EGFLAM: variants seen among roughly 807,000 people sequenced by gnomAD.
The protein encoded by EGFLAM is EGF like, fibronectin type III and laminin G domains.
In EGFLAM, 79 loss-of-function variants were observed where a neutral mutation model predicts 113.1. That is an observed-to-expected ratio of 0.70 (90% CI 0.58 to 0.84). The LOEUF is 0.84. Ranked by LOEUF, EGFLAM falls within the 40% of genes least tolerant of loss-of-function variation. The pLI, the probability that EGFLAM is intolerant of heterozygous loss-of-function variation, is 0.00. For missense variants in EGFLAM, 1,265 were observed against 1,291.6 expected (o/e 0.98, Z 0.32); for synonymous variants, 504 against 487.6 (o/e 1.03, Z -0.44).
At chr5:38,287,716 C>T (rs1758200522) in intron 1 of EGFLAM, among the ~76,000 whole-genome samples, 2 of 152,184 alleles carry the variant, frequency 1.3e-5, no homozygotes. Flanking sequence ...GCAGAGGCAT[C>T]ATCTAGTTGG....
At chr5:38,361,834 G>C (rs966510043) in intron 5 of EGFLAM, among the ~76,000 whole-genome samples, 6 of 152,012 alleles carry the variant, frequency 3.9e-5, no homozygotes, top group African/African-American at 1.4e-4. Context: ...TGGTAATAGT[G>C]GCTACCTCAG....
intron 6 of EGFLAM, among the ~76,000 whole-genome samples, chr5:38,383,945 G>T (rs1740588853): frequency 6.6e-6 from 1 of 151,750 alleles, no homozygotes. Context: ...AGGAAGTGAG[G>T]TCAGAAAGTT....
chr5:38,388,586 A>AT (rs1356090826), intron 6 of EGFLAM, among the ~76,000 whole-genome samples: 1 of 151,806 alleles, frequency 6.6e-6, no homozygotes, highest in African/African-American at 2.4e-5. Context: ...TCTACTAAAA[A>AT]AATATATATA....
chr5:38,432,892 G>A (rs1481084962), intron 15 of EGFLAM, among the ~76,000 whole-genome samples: 2 of 152,126 alleles, frequency 1.3e-5, no homozygotes, highest in African/African-American at 4.8e-5. Context: ...AAACCAATAC[G>A]GTGACACCTA....
intron 10 of EGFLAM, among the ~76,000 whole-genome samples, chr5:38,412,193 G>C (rs1217023287): frequency 1.3e-5 from 2 of 152,302 alleles, no homozygotes; most frequent in East Asian, 1.9e-4. Context: ...TACAGATCCC[G>C]TCATGCAGGT....
chr5:38,439,127 C>A (rs900084875), intron 17 of EGFLAM, among the ~76,000 whole-genome samples: 3 of 152,134 alleles, frequency 2.0e-5, no homozygotes, highest in African/African-American at 4.8e-5. Flanking sequence ...AAGCAACCAA[C>A]AAATACTGGT....
intron 5 of EGFLAM, among the ~76,000 whole-genome samples, chr5:38,358,898 C>T (rs1368087729): frequency 6.6e-6 from 1 of 152,132 alleles, no homozygotes; most frequent in Non-Finnish European, 1.5e-5. Flanking sequence ...AACACTTTTA[C>T]TTGCTTTTTT....
At chr5:38,264,860 G>A (rs1211523784) in intron 1 of EGFLAM, among the ~76,000 whole-genome samples, 4 of 152,272 alleles carry the variant, frequency 2.6e-5, no homozygotes, top group Admixed American at 6.5e-5. Flanking sequence ...AACTCCTAGC[G>A]CCCCACGCAA....
chr5:38,414,030 C>G (rs73749228), intron 11 of EGFLAM, among the ~76,000 whole-genome samples: 1 of 152,050 alleles, frequency 6.6e-6, no homozygotes, highest in African/African-American at 2.4e-5. Flanking sequence ...CCTTCTGCTG[C>G]GCACCCTGCT....
chr5:38,304,012 C>T (rs959366272), intron 1 of EGFLAM, among the ~76,000 whole-genome samples: 8 of 151,834 alleles, frequency 5.3e-5, no homozygotes, highest in Non-Finnish European at 1.2e-4. Context: ...GCCTGTAATC[C>T]CAGCTACTCA....
At chr5:38,424,368 A>T (rs551945136) in intron 12 of EGFLAM, among the ~76,000 whole-genome samples, 1 of 152,204 alleles carries the variant, frequency 6.6e-6, no homozygotes, top group Admixed American at 6.5e-5. Flanking sequence ...CTTTGGAAGT[A>T]GAAATAGGGA....
intron 20 of EGFLAM, among the ~76,000 whole-genome samples, chr5:38,459,240 A>G (rs1348265463): frequency 6.6e-6 from 1 of 151,830 alleles, no homozygotes; most frequent in South Asian, 2.1e-4. Context: ...CCTGGCCTCA[A>G]GTGATTCTCC....
At chr5:38,397,867 G>A (rs1432821834) in intron 6 of EGFLAM, among the ~76,000 whole-genome samples, 1 of 152,222 alleles carries the variant, frequency 6.6e-6, no homozygotes, top group Non-Finnish European at 1.5e-5. Context: ...GGTGAGAGAG[G>A]AGGGAGCTGA....
At chr5:38,358,402 G>A (rs1193586460) in intron 5 of EGFLAM, among the ~76,000 whole-genome samples, 4 of 137,464 alleles carry the variant, frequency 2.9e-5, no homozygotes, top group Admixed American at 8.3e-5. Flanking sequence ...AGCCCAGATC[G>A]CGCCACTGCA....
chr5:38,368,944 T>C (rs2112031226), intron 5 of EGFLAM, among the ~76,000 whole-genome samples: 1 of 152,340 alleles, frequency 6.6e-6, no homozygotes, highest in East Asian at 1.9e-4. Context: ...GGTATTAGAA[T>C]GGTGCTTGGT....
At chr5:38,280,284 A>T (rs1165334727) in intron 1 of EGFLAM, among the ~76,000 whole-genome samples, 1 of 152,180 alleles carries the variant, frequency 6.6e-6, no homozygotes, top group African/African-American at 2.4e-5. Context: ...TCTGCCGTGC[A>T]CTCACGTACT....
rs780497462 is a variant in EGFLAM, at chr5:38,448,340, G to T, written c.2504G>T (p.Arg835Leu). The T allele has an allele frequency of 4.8e-5, 77 of 1,614,000 alleles. No individual in the cohort carries two copies. Among genetic ancestry groups the T allele is most frequent in the Non-Finnish European group, 6.0e-5 (71 of 1,180,040 alleles). Residue 835 changes from arginine to leucine, a missense_variant, in exon 18 of 22, where the codon CGC becomes CTC. Arg to Leu is a moderately radical substitution (Grantham distance 102, BLOSUM62 -2). Coordinates refer to ENST00000322350, the MANE Select transcript of EGFLAM (RefSeq NM_152403.4). ...EAIEIPQFIG[R>L]SYLTYDNPDI... ...ATTGAGATCCCGCAGTTTATCGGCC[G>T]CAGTTACCTGACGTATGACAACCCA...
At chr5:38,352,752 G>C (rs915948261) in intron 5 of EGFLAM, among the ~76,000 whole-genome samples, 2 of 152,008 alleles carry the variant, frequency 1.3e-5, no homozygotes, top group African/African-American at 4.8e-5. Context: ...ATTTAAGAGC[G>C]AACAGAGGCT....
chr5:38,451,582 T>C, intron 19 of EGFLAM, 124 bp downstream of exon 19: 3 of 1,390,760 alleles, frequency 2.2e-6, no homozygotes, highest in Non-Finnish European at 2.9e-6. Flanking sequence ...AGCCTGAAGC[T>C]TCAAGGCTTA....
Sources: gnomAD v4.1 joint callset for allele counts (sites outside exome capture counted in the v4.1 genomes callset) on GRCh38, gnomAD v4.1.1 for gene constraint, MANE v1.5 for transcripts, NCBI Gene and HGNC (gene_info 2026-07-23, HGNC 2026-07-21) for gene names.